Variants in GPBP1L1 observed in about 807,000 individuals in gnomAD.
GPBP1L1 encodes vasculin-like protein 1.
GPBP1L1 carries 23 observed loss-of-function variants against 52.5 expected under a neutral mutation model. That is an observed-to-expected ratio of 0.44 (90% CI 0.32 to 0.62). GPBP1L1 has a LOEUF of 0.62. Ranked by LOEUF, GPBP1L1 falls within the 20% of genes least tolerant of loss-of-function variation. GPBP1L1 has a pLI of 0.06. For synonymous variants in GPBP1L1, 243 were observed against 203.1 expected, an observed-to-expected ratio of 1.20 and a Z score of -1.67; for missense variants, 596 against 579.3, an observed-to-expected ratio of 1.03 and a Z score of -0.30.
chr1:45,668,956 C>T (rs1645042690), intron 2 of GPBP1L1, among the ~76,000 whole-genome samples: 1 of 152,100 alleles, frequency 6.6e-6, no homozygotes, highest in South Asian at 2.1e-4. Flanking sequence ...GACAGTGAGA[C>T]TGTGTCTAAA....
chr1:45,682,353 A>G (rs1645221626), intron 2 of GPBP1L1, among the ~76,000 whole-genome samples: 1 of 152,226 alleles, frequency 6.6e-6, no homozygotes, highest in Admixed American at 6.5e-5. Flanking sequence ...TTCTGGGGGA[A>G]AAAACTTACT....
intron 4 of GPBP1L1, among the ~76,000 whole-genome samples, chr1:45,658,536 T>A (rs534637051): frequency 1.3e-5 from 2 of 152,296 alleles, no homozygotes; most frequent in Admixed American, 1.3e-4. Context: ...AGGTAGACAT[T>A]CATGTGGACT....
At chr1:45,643,658 C>CTTTTTTTTTTTTTTTTTTTTTT (rs113388167) in intron 6 of GPBP1L1, among the ~76,000 whole-genome samples, 1 of 65,112 alleles carries the variant, frequency 1.5e-5, no homozygotes, top group African/African-American at 6.4e-5. Context: ...AGGAGAATGG[C>CTTTTTTTTTTTTTTTTTTTTTT]TTTTTTTTTT....
At chr1:45,664,686 T>G (rs1644989195) in intron 2 of GPBP1L1, among the ~76,000 whole-genome samples, 1 of 152,090 alleles carries the variant, frequency 6.6e-6, no homozygotes. Context: ...TTGTTTTGTT[T>G]TGTTTTTGAG....
chr1:45,663,760 G>A (rs1644975307), intron 2 of GPBP1L1, among the ~76,000 whole-genome samples: 1 of 152,116 alleles, frequency 6.6e-6, no homozygotes, highest in South Asian at 2.1e-4. Context: ...GGAATTATGG[G>A]CATTTTGTTT....
chr1:45,675,651 C>T (rs986742037), intron 2 of GPBP1L1, among the ~76,000 whole-genome samples: 1 of 152,142 alleles, frequency 6.6e-6, no homozygotes, highest in Non-Finnish European at 1.5e-5. Flanking sequence ...GTGATCCTCC[C>T]AGCTCAGCTT....
intron 2 of GPBP1L1, among the ~76,000 whole-genome samples, chr1:45,665,743 T>TAA (rs949281797): frequency 2.0e-4 from 22 of 109,682 alleles, no homozygotes; most frequent in South Asian, 1.5e-3. Context: ...GACGCCGTCT[T>TAA]AAAAAAAAAA....
chr1:45,628,862 C>G (rs1299282506), intron 12 of GPBP1L1, among the ~76,000 whole-genome samples: 1 of 152,136 alleles, frequency 6.6e-6, no homozygotes, highest in Non-Finnish European at 1.5e-5. Flanking sequence ...TGGGGCTTCA[C>G]CATATTGGCC....
chr1:45,688,061 TAGAAATTA>T (rs1569917084), upstream of GPBP1L1: 1 of 152,218 alleles, frequency 6.6e-6, no homozygotes, highest in East Asian at 1.9e-4. Flanking sequence ...TGGATTCAAC[TAGAAATTA>T]AGAATGGCCC....
At chr1:45,663,964 T>C (rs915738652) in intron 2 of GPBP1L1, among the ~76,000 whole-genome samples, 2 of 151,884 alleles carry the variant, frequency 1.3e-5, no homozygotes, top group Non-Finnish European at 2.9e-5. Flanking sequence ...AACTTTTTTT[T>C]TTTCTGAGAC....
At chr1:45,674,751 A>ACAG in intron 2 of GPBP1L1, among the ~76,000 whole-genome samples, 1 of 152,350 alleles carries the variant, frequency 6.6e-6, no homozygotes, top group East Asian at 1.9e-4. Context: ...ATTCTGCCCA[A>ACAG]CAGCAAGCTC....
At chr1:45,681,440 A>G (rs1645211443) in intron 2 of GPBP1L1, among the ~76,000 whole-genome samples, 1 of 152,190 alleles carries the variant, frequency 6.6e-6, no homozygotes, top group South Asian at 2.1e-4. Flanking sequence ...AGAAATATGC[A>G]AATTAAGGCA....
At chr1:45,631,678 C>T (rs757254758) in intron 10 of GPBP1L1, among the ~76,000 whole-genome samples, 5 of 152,268 alleles carry the variant, frequency 3.3e-5, no homozygotes, top group South Asian at 2.1e-4. Flanking sequence ...CTAGCACTTT[C>T]GGAGGCCAAA....
rs141028557 is a variant in GPBP1L1 at position 45,681,843 on chromosome 1, G to C, written c.-1098+3733C>G. 8.7e-4 allele frequency among the ~76,000 whole-genome samples: 133 copies of C among 152,264 alleles called. No individual in the cohort carries two copies. In the East Asian group the frequency reaches 0.015, roughly 17 times the overall value. On this transcript the variant is annotated intron_variant, in intron 2 of 12. Coordinates refer to ENST00000355105, the MANE Select transcript of GPBP1L1 (RefSeq NM_021639.5). ...CGAACCCAAATGGTCTGGCTACAAA[G>C]CCAACCACTGATTACCATACTATGC... is the stretch of plus-strand genomic sequence containing the variant.
chr1:45,648,962 G>A (rs1277143891), intron 6 of GPBP1L1, among the ~76,000 whole-genome samples: 5 of 152,156 alleles, frequency 3.3e-5, no homozygotes, highest in Non-Finnish European at 7.4e-5. Context: ...CCCACGAGGC[G>A]CAGGTTGCAG....
chr1:45,675,699 CT>C (rs984695182), intron 2 of GPBP1L1, among the ~76,000 whole-genome samples: 11 of 152,258 alleles, frequency 7.2e-5, no homozygotes, highest in Admixed American at 2.0e-4. Flanking sequence ...ATCACCATGC[CT>C]GGCTATATTT....
At chr1:45,637,119 GAGAAGCAC>G (rs1470614502) in intron 8 of GPBP1L1, among the ~76,000 whole-genome samples, 1 of 152,200 alleles carries the variant, frequency 6.6e-6, no homozygotes, top group African/African-American at 2.4e-5. Flanking sequence ...TCCCCAGGCA[GAGAAGCAC>G]AATTTTTTTC....
intron 2 of GPBP1L1, among the ~76,000 whole-genome samples, chr1:45,663,050 C>CAAAAAAA (rs66502921): frequency 8.5e-6 from 1 of 117,234 alleles, no homozygotes; most frequent in Admixed American, 9.3e-5. Context: ...GACTCTGTCT[C>CAAAAAAA]AAAAAAAAAA....
intron 8 of GPBP1L1, 91 bp from the exon 9 acceptor site, chr1:45,634,327 A>AT: frequency 7.6e-7 from 1 of 1,314,872 alleles, no homozygotes; most frequent in East Asian, 2.4e-5. Context: ...GAAATGTTAC[A>AT]TGAGAACATA....
Sources: gnomAD v4.1 joint callset for allele counts (sites outside exome capture counted in the v4.1 genomes callset) on GRCh38, gnomAD v4.1.1 for gene constraint, MANE v1.5 for transcripts, NCBI Gene and HGNC (gene_info 2026-07-23, HGNC 2026-07-21) for gene names.